Variants in DNAH8 observed in about 807,000 individuals in gnomAD.
The protein encoded by DNAH8 is axonemal beta dynein heavy chain 8.
A neutral mutation model predicts 562.1 loss-of-function variants in DNAH8; 382 were observed. The observed-to-expected ratio is 0.68, with a 90% CI of 0.63 to 0.74. The LOEUF is 0.74. DNAH8 is among the 30% of genes least tolerant of loss of function. The pLI, the probability that DNAH8 is intolerant of heterozygous loss-of-function variation, is 0.00. For synonymous variants in DNAH8, 1,881 were observed against 1,919.4 expected (o/e 0.98, Z 0.52); for missense variants, 5,203 against 5,620.4 (o/e 0.93, Z 2.37).
chr6:38,725,252 G>A (rs7761096), intron 3 of DNAH8, among the ~76,000 whole-genome samples: 1,559 of 150,330 alleles, frequency 0.01, 30 homozygotes, highest in African/African-American at 0.037. Flanking sequence ...GCAGTGAGCC[G>A]AGACTGTACC....
intron 36 of DNAH8, among the ~76,000 whole-genome samples, chr6:38,848,047 A>G (rs987637855): frequency 5.9e-5 from 9 of 152,142 alleles, no homozygotes; most frequent in Non-Finnish European, 7.3e-5. Context: ...AGTGAACATC[A>G]GACTTCAAGC....
Position 38,780,060 on chromosome 6 carries a change from A to G in DNAH8, c.2134A>G (p.Lys712Glu). The change falls in exon 15 of 93, where the codon AAG (lysine) becomes GAG (glutamate). Residue 712 changes from lysine (K) to glutamate (E), a missense_variant. Transcript: ENST00000327475. The stretch of plus-strand genomic sequence containing the variant: ...CTATGTGGCTGAACTTGATGCTACT[A>G]AGAAGGCAAGTGTCATGTTTATAAA... ...QYYVAELDATKKLYHSQKDDP... is the reference protein window; with the variant it reads ...QYYVAELDATEKLYHSQKDDP... The G allele has an allele frequency of 6.2e-7, 1 of 1,613,480 alleles. No homozygotes were observed. Among genetic ancestry groups the G allele is most frequent in the Non-Finnish European group, 8.5e-7 (1 of 1,179,468 alleles).
chr6:39,015,925 C>T (rs1280678005), intron 91 of DNAH8, among the ~76,000 whole-genome samples: 1 of 152,200 alleles, frequency 6.6e-6, no homozygotes, highest in Non-Finnish European at 1.5e-5. Context: ...GTTAGTCGCA[C>T]AGAAGACTGG....
At chr6:38,891,928 A>G (rs142678583) in intron 58 of DNAH8, among the ~76,000 whole-genome samples, 1 of 152,250 alleles carries the variant, frequency 6.6e-6, no homozygotes, top group Non-Finnish European at 1.5e-5. Flanking sequence ...AAGGCCACCA[A>G]AGACCTTGAT....
intron 74 of DNAH8, chr6:38,929,203 G>C (rs990776479): frequency 2.0e-5 from 4 of 197,166 alleles, no homozygotes; most frequent in Admixed American, 1.8e-4. Flanking sequence ...AAGTTTGAAA[G>C]GATTAATCCT....
chr6:38,886,857 G>T lies in DNAH8; in HGVS notation c.8326G>T (p.Asp2776Tyr), dbSNP rs748991227. 6 of 1,614,078 alleles carry T rather than the reference G, an allele frequency of 3.7e-6. No homozygotes were observed. The East Asian group carries it at 1.3e-4, about 36-fold the overall frequency. The change falls in exon 57 of 93, where the codon GAC becomes TAC. Residue 2776 changes from aspartate (D) to tyrosine (Y), a missense_variant. This residue lies in a region of DNAH8 where 977 missense variants were observed against 1,061.8 expected (regional missense o/e 0.92). Coordinates refer to ENST00000327475, the MANE Select transcript of DNAH8 (RefSeq NM_001206927.2). The part of the protein sequence containing the change: ...EGMYSLDKPG[D>Y]FTTIVDVQLI... Reference sequence around the variant, plus strand: ...AATGTACAGCTTGGACAAGCCTGGAGACTTCACTACTATTGTTGATGTGCA... The same window carrying T: ...AATGTACAGCTTGGACAAGCCTGGATACTTCACTACTATTGTTGATGTGCA...
chr6:38,815,611 T>A lies in DNAH8; in HGVS notation c.3477T>A (p.Thr1159=). 1 of 1,613,846 alleles carries A rather than the reference T, an allele frequency of 6.2e-7. No homozygotes were observed. The highest frequency in any genetic ancestry group is 2.2e-5 in the East Asian group (1 of 44,824). The change falls in exon 26 of 93, where the codon ACT becomes ACA. Residue 1159 remains threonine (T), a synonymous_variant. Transcript: ENST00000327475. The part of the protein sequence containing the change: ...IKSVIPSPTT[T]DVTHQNTGKL... ...CTGTCATTCCCAGCCCCACCACTAC[T>A]GACGTGACCCATCAAAACACAGGAA...
rs139641377 is a variant in DNAH8 at position 38,910,774 on chromosome 6, T to TA, written c.9741-686dup. On this transcript the variant is annotated intron_variant, in intron 65 of 92. Transcript: ENST00000327475. ...ATAGTCACATATATGCCCAAGATCT[T>TA]AAAAAAAACTCAAAAGCATTAAAAA... is the stretch of plus-strand genomic sequence containing the variant. Among the ~76,000 whole-genome samples the TA allele has an allele frequency of 1.4e-3, 209 of 152,112 alleles. 1 individual carries two copies. Among genetic ancestry groups the TA allele is most frequent in the African/African-American group, 4.5e-3 (187 of 41,486 alleles).
rs1738185 is a variant in DNAH8, at chr6:38,851,320, G to A, written c.5364-252G>A. Among the ~76,000 whole-genome samples, 9,608 of 152,148 alleles carry A rather than the reference G, an allele frequency of 0.063. 918 individuals are homozygous for A. The highest frequency in any genetic ancestry group is 0.21 in the African/African-American group (8,666 of 41,464). On this transcript the variant is annotated intron_variant, in intron 38 of 92. Transcript: ENST00000327475. ...AGCAGTCTCAGAAAGGTCATAGGAG[G>A]GCATCTGATGAGAAAGGAGAGGACA...
chr6:38,741,463 A>G (rs542209217), intron 7 of DNAH8, among the ~76,000 whole-genome samples: 1 of 65,892 alleles, frequency 1.5e-5, no homozygotes, highest in African/African-American at 4.7e-5. Context: ...CCCCCCGACC[A>G]AAAAAAAAAA....
At position 38,783,078 on chromosome 6, in the gene DNAH8, G is replaced by T; in HGVS notation, c.2334G>T (p.Leu778=). ...IRQYNKISYV[L]VEFEVVYHTA... is the part of the protein sequence containing the mutation. ...AGTATAACAAGATCTCCTATGTGCT[G>T]GTGGAATTCGAGGTGGTCTATCACA... The change falls in exon 17 of 93, where the codon CTG becomes CTT. Residue 778 remains leucine (L), a synonymous_variant. Coordinates refer to ENST00000327475, the MANE Select transcript of DNAH8 (RefSeq NM_001206927.2). The T allele has an allele frequency of 2.5e-6, 4 of 1,613,894 alleles. No individual in the cohort carries two copies. The South Asian group carries it at 3.3e-5, about 13-fold the overall frequency.
At position 38,779,844 on chromosome 6, in the gene DNAH8, G is replaced by A. The variant is rs889488004; in HGVS notation, c.2040-122G>A. On this transcript the variant is annotated intron_variant, in intron 14 of 92. Coordinates refer to ENST00000327475, the MANE Select transcript of DNAH8 (RefSeq NM_001206927.2). ...CTATCTCGTTCATTGCTTTGTCCTA[G>A]GACAACGAATGAGGGCTGGTATGAA... The A allele has an allele frequency of 2.1e-5, 20 of 963,764 alleles. No individual in the cohort carries two copies. Among genetic ancestry groups the A allele is most frequent in the East Asian group, 2.6e-5 (1 of 38,148 alleles). The allele number at this position is 963,764 out of a possible 1,614,324, so 59.7% of individuals were successfully genotyped here. A position where few individuals can be genotyped will look rare whatever the true frequency, so the allele number is the denominator to read the frequency against.
chr6:38,756,670 C>A (rs191467540), intron 10 of DNAH8, among the ~76,000 whole-genome samples: 1 of 143,040 alleles, frequency 7.0e-6, no homozygotes, highest in Non-Finnish European at 1.5e-5. Flanking sequence ...TCCCTCCCCC[C>A]TCCCTCCACC....
intron 91 of DNAH8, among the ~76,000 whole-genome samples, chr6:39,024,733 C>G (rs188790455): frequency 2.6e-5 from 4 of 152,340 alleles, no homozygotes; most frequent in Admixed American, 2.0e-4. Flanking sequence ...ACACAGAGCA[C>G]AGGCATTGAC....
Position 38,886,742 on chromosome 6 carries a change from G to A in DNAH8, c.8260-49G>A, listed in dbSNP as rs189359192. 2.4e-5 allele frequency: 32 copies of A among 1,344,518 alleles called. No individual in the cohort carries two copies. In the African/African-American group the frequency reaches 2.7e-4, roughly 11 times the overall value. 83.3% of individuals were successfully genotyped at this position (1,344,518 alleles called of 1,614,324 possible). The stretch of plus-strand genomic sequence containing the variant: ...TGTACTATTTTATTGAAGTTATGGA[G>A]GAATATGATAGTGATATGTTACAAA... On this transcript the variant is annotated intron_variant, in intron 56 of 92. Coordinates refer to ENST00000327475, the MANE Select transcript of DNAH8 (RefSeq NM_001206927.2).
At chr6:38,940,116 G>C (rs759623685) in intron 79 of DNAH8, among the ~76,000 whole-genome samples, 2 of 152,128 alleles carry the variant, frequency 1.3e-5, no homozygotes, top group Non-Finnish European at 2.9e-5. Context: ...TGATCATTAT[G>C]GTCATTTAGG....
At chr6:39,011,366 T>C (rs62398585) in intron 89 of DNAH8, among the ~76,000 whole-genome samples, 21,564 of 152,236 alleles carry the variant, frequency 0.14, 1,679 homozygotes, top group African/African-American at 0.2. Flanking sequence ...TTTGGATTGA[T>C]ACCTCACTTT....
intron 12 of DNAH8, among the ~76,000 whole-genome samples, chr6:38,775,009 C>G (rs1767926191): frequency 2.0e-5 from 3 of 152,168 alleles, no homozygotes; most frequent in South Asian, 4.1e-4. Flanking sequence ...GTAGGAGGAT[C>G]AGTGGTGGTG....
intron 41 of DNAH8, among the ~76,000 whole-genome samples, chr6:38,856,564 T>C (rs530960650): frequency 3.3e-5 from 5 of 152,290 alleles, no homozygotes; most frequent in Non-Finnish European, 5.9e-5. Flanking sequence ...CTGCTTGCTC[T>C]TGGGGGGCTT....
Sources: gnomAD v4.1 joint callset for allele counts (sites outside exome capture counted in the v4.1 genomes callset) on GRCh38, gnomAD v4.1.1 for gene constraint, gnomAD v4.1.1 regional missense constraint, MANE v1.5 for transcripts, NCBI Gene and HGNC (gene_info 2026-07-23, HGNC 2026-07-21) for gene names.